FRY: variants seen among roughly 807,000 people sequenced by gnomAD.
FRY encodes the protein protein furry homolog.
A neutral mutation model predicts 348.4 loss-of-function variants in FRY; 128 were observed. The ratio of observed to expected loss-of-function variants is 0.37; its 90% CI spans 0.32 to 0.43. The LOEUF is 0.43. Among genes scored for constraint, FRY ranks in the 20% least tolerant of loss-of-function variants. The pLI is 1.00. For missense variants in FRY, 2,736 were observed against 3,695.2 expected (o/e 0.74, Z 6.73); for synonymous variants, 1,370 against 1,374.7 (o/e 1.00, Z 0.08).
At chr13:32,238,760 ATTTTT>A (rs1886350822) in intron 44 of FRY, among the ~76,000 whole-genome samples, 2 of 152,128 alleles carry the variant, frequency 1.3e-5, no homozygotes, top group Non-Finnish European at 2.9e-5. Context: ...AACAAACCAG[ATTTTT>A]AATGCCATGG....
Position 32,228,591 on chromosome 13 carries a change from A to T in FRY, c.5342A>T (p.Asp1781Val), listed in dbSNP as rs1885736236. 6.2e-7 allele frequency: 1 copy of T among 1,614,128 alleles called. No homozygotes were observed. The highest frequency in any genetic ancestry group is 8.5e-7 in the Non-Finnish European group (1 of 1,179,970). ...CCACAGATGACCCAGGAGGTAGAAGATGTGGACACAGCTGCTGAAACAGAT... is the reference window on the plus strand; with the variant it reads ...CCACAGATGACCCAGGAGGTAGAAGTTGTGGACACAGCTGCTGAAACAGAT... ...NLPQMTQEVE[D>V]VDTAAETDEK... The change falls in exon 40 of 61, where the codon GAT becomes GTT. Residue 1781 changes from aspartate to valine, a missense_variant. This residue lies in a region of FRY where 794 missense variants were observed against 977.0 expected (regional missense o/e 0.81). Transcript: ENST00000542859.
chr13:32,239,763 C>G lies in FRY; in HGVS notation c.6569C>G (p.Thr2190Ser). The part of the protein sequence containing the change: ...PKLSNLAHVM[T>S]LYKTHSYTRD... ...CTTTCAAATCTTGCACATGTCATGACTCTTTATAAAACGCACAGCTACACG... is the reference window on the plus strand; with the variant it reads ...CTTTCAAATCTTGCACATGTCATGAGTCTTTATAAAACGCACAGCTACACG... The change falls in exon 46 of 61, where the codon ACT becomes AGT. Residue 2190 changes from threonine to serine, a missense_variant. Coordinates refer to ENST00000542859, the MANE Select transcript of FRY (RefSeq NM_023037.3). The surrounding 1 kb of genome is among the most constrained non-coding windows in gnomAD (Gnocchi z 4.3). The G allele has an allele frequency of 6.2e-7, 1 of 1,613,768 alleles. No homozygotes were observed. The highest frequency in any genetic ancestry group is 1.1e-5 in the South Asian group (1 of 91,070).
intron 1 of FRY, among the ~76,000 whole-genome samples, chr13:32,040,201 A>G (rs976553814): frequency 1.3e-5 from 2 of 152,220 alleles, no homozygotes; most frequent in Non-Finnish European, 2.9e-5. Flanking sequence ...ATGTTTATGC[A>G]GGAGAGATTT....
At chr13:32,036,080 G>T (rs1393842785) in intron 1 of FRY, among the ~76,000 whole-genome samples, 4 of 152,174 alleles carry the variant, frequency 2.6e-5, no homozygotes, top group African/African-American at 9.7e-5. Context: ...GTTTATTGAT[G>T]CCTGTTTATG....
intron 29 of FRY, among the ~76,000 whole-genome samples, 165 bp downstream of exon 29, chr13:32,194,462 G>A (rs1459737058): frequency 6.6e-6 from 1 of 152,196 alleles, no homozygotes; most frequent in African/African-American, 2.4e-5. Flanking sequence ...CTGTAAGGTT[G>A]CAGTTCCATT....
chr13:32,278,300 T>A (rs1426321270), intron 57 of FRY, among the ~76,000 whole-genome samples, 165 bp from the exon 58 acceptor site: 3 of 152,222 alleles, frequency 2.0e-5, no homozygotes, highest in Non-Finnish European at 4.4e-5. Flanking sequence ...TTTCCAACAG[T>A]TCATCTTTAA....
chr13:32,055,351 A>G (rs564230982), intron 1 of FRY, among the ~76,000 whole-genome samples: 1 of 152,228 alleles, frequency 6.6e-6, no homozygotes, highest in East Asian at 1.9e-4. Flanking sequence ...CCTAAGATGG[A>G]AACTATTTTA....
intron 32 of FRY, 28 bp from the exon 33 acceptor site, chr13:32,209,557 T>C: frequency 6.2e-7 from 1 of 1,613,056 alleles, no homozygotes. Flanking sequence ...TTCACACATC[T>C]CTTGGGCCGG....
intron 16 of FRY, among the ~76,000 whole-genome samples, chr13:32,160,781 C>CCATTTTTAAATGCTGAATGAAATA (rs11269162): frequency 0.69 from 103,319 of 149,104 alleles, 36,253 homozygotes; most frequent in East Asian, 0.98. Flanking sequence ...TATATATACT[C>CCATTTTTAAATGCTGAATGAAATA]CATTTTTAAA....
At chr13:32,066,530 C>A (rs919064726) in intron 1 of FRY, among the ~76,000 whole-genome samples, 8 of 152,216 alleles carry the variant, frequency 5.3e-5, no homozygotes, top group African/African-American at 1.9e-4. Flanking sequence ...CTTCTAGAGT[C>A]AGTGTTCTAA....
chr13:32,267,607 C>A (rs558950936), intron 55 of FRY, among the ~76,000 whole-genome samples: 7 of 152,274 alleles, frequency 4.6e-5, no homozygotes, highest in African/African-American at 1.7e-4. Context: ...CTTGGTGTTA[C>A]TGACATCACC....
intron 14 of FRY, among the ~76,000 whole-genome samples, chr13:32,151,015 C>A (rs1307885827): frequency 1.3e-5 from 2 of 152,198 alleles, no homozygotes; most frequent in African/African-American, 4.8e-5. Context: ...AGTGCCAAAC[C>A]AGAGGCTTTG....
intron 11 of FRY, among the ~76,000 whole-genome samples, chr13:32,144,797 CT>C (rs1335509240): frequency 1.3e-5 from 2 of 152,084 alleles, no homozygotes; most frequent in Non-Finnish European, 2.9e-5. Flanking sequence ...ATAATGTCCC[CT>C]TTTTTCAGAG....
At position 32,161,134 on chromosome 13, in the gene FRY, C is replaced by T. The variant is rs781356475; in HGVS notation, c.1785-10C>T. On this transcript the variant is annotated splice_polypyrimidine_tract_variant and intron_variant, in intron 16 of 60. Transcript: ENST00000542859. Reference sequence around the variant, plus strand: ...TTGACCTATTTTAAAATTTTGTCTTCTAATTCTAGGGGTGAGAGAAAGCCA... The same window carrying T: ...TTGACCTATTTTAAAATTTTGTCTTTTAATTCTAGGGGTGAGAGAAAGCCA... 5.1e-6 allele frequency: 8 copies of T among 1,567,420 alleles called. No homozygotes were observed. The African/African-American group carries it at 1.1e-4, about 21-fold the overall frequency.
chr13:32,120,564 T>A (rs1238315541), intron 4 of FRY, among the ~76,000 whole-genome samples: 1 of 152,218 alleles, frequency 6.6e-6, no homozygotes, highest in Non-Finnish European at 1.5e-5. Flanking sequence ...GGTGCACCCA[T>A]CACCCAAGCA....
intron 51 of FRY, among the ~76,000 whole-genome samples, chr13:32,256,534 CAA>C (rs201796683): frequency 1.1e-4 from 13 of 117,092 alleles, no homozygotes; most frequent in Non-Finnish European, 1.3e-4. Context: ...ACCCTGTGTC[CAA>C]AAAAAAAAAA....
At chr13:32,182,313 C>A (rs1882764654) in intron 23 of FRY, among the ~76,000 whole-genome samples, 1 of 152,164 alleles carries the variant, frequency 6.6e-6, no homozygotes, top group African/African-American at 2.4e-5. Context: ...ATACTGTGAT[C>A]AAGACTTACA....
At chr13:32,205,201 T>G (rs1158631218) in intron 31 of FRY, among the ~76,000 whole-genome samples, 1 of 27,416 alleles carries the variant, frequency 3.6e-5, no homozygotes, top group Non-Finnish European at 7.1e-5. Context: ...AGACTCTGTC[T>G]CAAAAAAAAA....
At chr13:32,114,596 A>C (rs1878183107) in intron 3 of FRY, among the ~76,000 whole-genome samples, 1 of 152,204 alleles carries the variant, frequency 6.6e-6, no homozygotes, top group Admixed American at 6.5e-5. Flanking sequence ...CGGCAGATTT[A>C]CACAAGTATT....
Sources: allele counts gnomAD v4.1 joint callset (sites outside exome capture counted in the v4.1 genomes callset), GRCh38; gene constraint gnomAD v4.1.1; regional missense constraint gnomAD v4.1.1; non-coding constraint Gnocchi (gnomAD v3.1); transcripts MANE v1.5; gene names NCBI Gene and HGNC (gene_info 2026-07-23, HGNC 2026-07-21).